The following TMOD3 variants were observed in gnomAD, a reference collection of about 807,000 sequenced individuals.
TMOD3 encodes the protein tropomodulin 3.
TMOD3 carries 20 observed loss-of-function variants against 39.2 expected under a neutral mutation model. That is an observed-to-expected ratio of 0.51 (90% CI 0.36 to 0.74). The LOEUF (loss-of-function observed/expected upper bound fraction) is 0.74. TMOD3 is among the 30% of genes least tolerant of loss of function. The pLI is 0.00. For synonymous variants in TMOD3, 143 were observed against 145.8 expected, an observed-to-expected ratio of 0.98 and a Z score of 0.14; for missense variants, 381 against 412.8, an observed-to-expected ratio of 0.92 and a Z score of 0.67.
At chr15:51,865,135 C>T (rs956021949) in intron 2 of TMOD3, among the ~76,000 whole-genome samples, 1 of 152,082 alleles carries the variant, frequency 6.6e-6, no homozygotes, top group Admixed American at 6.5e-5. Flanking sequence ...TACAGGCAAG[C>T]ACCACTATAC....
At chr15:51,856,223 A>G (rs1459486227) in intron 1 of TMOD3, among the ~76,000 whole-genome samples, 1 of 152,226 alleles carries the variant, frequency 6.6e-6, no homozygotes, top group African/African-American at 2.4e-5. Context: ...TCATTGCACC[A>G]CTGTACTCCA....
chr15:51,830,192 C>T (rs2056247422), intron 1 of TMOD3, among the ~76,000 whole-genome samples: 1 of 152,022 alleles, frequency 6.6e-6, no homozygotes, highest in Admixed American at 6.5e-5. Flanking sequence ...CGCCGGGACG[C>T]GATCACACCG....
At chr15:51,830,117 G>A (rs925956185) in intron 1 of TMOD3, among the ~76,000 whole-genome samples, 1 of 152,126 alleles carries the variant, frequency 6.6e-6, no homozygotes, top group Non-Finnish European at 1.5e-5. Flanking sequence ...GCCCGGGTTC[G>A]GGACCGGCCC....
intron 1 of TMOD3, among the ~76,000 whole-genome samples, chr15:51,849,809 C>A (rs1037280457): frequency 6.6e-6 from 1 of 152,092 alleles, no homozygotes; most frequent in African/African-American, 2.4e-5. Context: ...TGGCTCACAC[C>A]TGTAATCCCA....
rs751719943 is a variant in TMOD3 at position 51,893,850 on chromosome 15, G to A, written c.532G>A (p.Asp178Asn). The change falls in exon 6 of 10, where the codon GAT (aspartate) becomes AAT (asparagine). Residue 178 changes from aspartate (D) to asparagine (N), a missense_variant. Coordinates refer to ENST00000308580, the MANE Select transcript of TMOD3 (RefSeq NM_014547.5). ...AGGTGAAAAGATTCTTCCGGTATTT[G>A]ATGAGCCACCAAATCCAACCAATGT... ...VKGEKILPVF[D>N]EPPNPTNVEE... 8.8e-5 allele frequency: 141 copies of A among 1,608,428 alleles called. No individual in the cohort carries two copies. The highest frequency in any genetic ancestry group is 2.0e-4 in the Admixed American group (12 of 59,570).
intron 5 of TMOD3, among the ~76,000 whole-genome samples, chr15:51,890,739 C>G (rs1446621248): frequency 2.6e-5 from 4 of 152,146 alleles, no homozygotes. Flanking sequence ...CTACATCATT[C>G]AGACATGTGT....
intron 1 of TMOD3, among the ~76,000 whole-genome samples, chr15:51,841,321 T>C (rs1233016370): frequency 6.6e-6 from 1 of 152,244 alleles, no homozygotes; most frequent in Non-Finnish European, 1.5e-5. Context: ...CCAGTTTTAT[T>C]CTATCACTAA....
chr15:51,883,772 A>G (rs946276711), intron 3 of TMOD3, among the ~76,000 whole-genome samples: 1 of 152,176 alleles, frequency 6.6e-6, no homozygotes, highest in Non-Finnish European at 1.5e-5. Context: ...AAGCTCTCAC[A>G]GTGAAGCCAC....
intron 7 of TMOD3, 128 bp from the exon 8 acceptor site, chr15:51,900,027 T>A: frequency 1.1e-6 from 1 of 914,882 alleles, no homozygotes. Flanking sequence ...TATGGGCTAC[T>A]GTGTCAAACT....
Position 51,847,914 on chromosome 15 carries a change from C to A in TMOD3, c.-74-14897C>A, listed in dbSNP as rs972888710. On this transcript the variant is annotated intron_variant, in intron 1 of 9. Transcript: ENST00000308580. ...AAATTCATATGCTGAAACCTAATCA[C>A]CAATATGATGGTATTAGGAGGTGGG... Among the ~76,000 whole-genome samples the A allele has an allele frequency of 2.6e-5, 4 of 152,144 alleles. No individual in the cohort carries two copies. The East Asian group carries it at 7.7e-4, about 29-fold the overall frequency.
chr15:51,910,095 C>T lies in TMOD3; in HGVS notation c.*1285C>T, dbSNP rs1456667960. 6.6e-6 allele frequency: 1 copy of T among 152,246 alleles called. No homozygotes were observed. Among genetic ancestry groups the T allele is most frequent in the Non-Finnish European group, 1.5e-5 (1 of 68,102 alleles). The allele number at this position is 152,246 out of a possible 1,614,324, so 9.4% of individuals were successfully genotyped here. ...GTCTGGACTTGTATTCATGTTCTGT[C>T]TCAGGGCAGCCCCTGGAGCAGGAGA... On this transcript the variant is annotated 3_prime_UTR_variant, in exon 10 of 10. Coordinates refer to ENST00000308580, the MANE Select transcript of TMOD3 (RefSeq NM_014547.5).
At chr15:51,832,225 ATATAT>A (rs200523107) in intron 1 of TMOD3, among the ~76,000 whole-genome samples, 27 of 133,900 alleles carry the variant, frequency 2.0e-4, no homozygotes, top group African/African-American at 7.6e-4. Flanking sequence ...ATATATATAT[ATATAT>A]ATGAATGACA....
chr15:51,858,448 A>G (rs1490717426), intron 1 of TMOD3: 2 of 152,030 alleles, frequency 1.3e-5, no homozygotes, highest in African/African-American at 4.8e-5. Flanking sequence ...AAAAAATTCA[A>G]GATAACCAGT....
At chr15:51,842,822 C>G (rs2056318836) in intron 1 of TMOD3, among the ~76,000 whole-genome samples, 1 of 152,106 alleles carries the variant, frequency 6.6e-6, no homozygotes, top group Non-Finnish European at 1.5e-5. Flanking sequence ...AGGCCTTGTG[C>G]CTCTTGAAAA....
intron 1 of TMOD3, chr15:51,859,290 G>C (rs141741995): frequency 2.7e-6 from 2 of 733,998 alleles, no homozygotes; most frequent in East Asian, 5.4e-5. Context: ...GCAGTTTTCA[G>C]GTCTACCAAG....
chr15:51,887,409 A>G (rs1212098859), intron 3 of TMOD3, among the ~76,000 whole-genome samples, 180 bp from the exon 4 acceptor site: 1 of 152,048 alleles, frequency 6.6e-6, no homozygotes, highest in African/African-American at 2.4e-5. Flanking sequence ...TTTCTTTCCA[A>G]CTTTTACAGC....
intron 1 of TMOD3, among the ~76,000 whole-genome samples, 187 bp downstream of exon 1, chr15:51,830,023 G>C (rs1445115427): frequency 1.3e-5 from 2 of 152,128 alleles, no homozygotes; most frequent in Non-Finnish European, 2.9e-5. Flanking sequence ...CGGCCCGGGC[G>C]GGGGACGTGG....
chr15:51,847,765 A>G (rs2056342797), intron 1 of TMOD3, among the ~76,000 whole-genome samples: 1 of 152,218 alleles, frequency 6.6e-6, no homozygotes, highest in Non-Finnish European at 1.5e-5. Context: ...ATTTGCTATC[A>G]AAGTAATATA....
chr15:51,857,856 T>C (rs774578696), intron 1 of TMOD3, among the ~76,000 whole-genome samples: 12 of 152,142 alleles, frequency 7.9e-5, no homozygotes, highest in Non-Finnish European at 1.5e-4. Flanking sequence ...ATCACATCAT[T>C]GATATTTTTA....
Sources: allele counts gnomAD v4.1 joint callset (sites outside exome capture counted in the v4.1 genomes callset), GRCh38; gene constraint gnomAD v4.1.1; transcripts MANE v1.5; gene names NCBI Gene and HGNC (gene_info 2026-07-23, HGNC 2026-07-21).